Variants in DCN observed in about 807,000 individuals in gnomAD.
DCN encodes bone proteoglycan II.
DCN carries 17 observed loss-of-function variants against 36.5 expected under a neutral mutation model. That is an observed-to-expected ratio of 0.47 (90% CI 0.32 to 0.70). The LOEUF is 0.70. Among genes scored for constraint, DCN ranks in the 30% least tolerant of loss-of-function variants. The pLI, the probability that DCN is intolerant of heterozygous loss-of-function variation, is 0.04. For missense variants in DCN, 389 were observed against 430.1 expected (o/e 0.90, Z 0.84); for synonymous variants, 163 against 161.4 (o/e 1.01, Z -0.07).
At chr12:91,178,620 A>G in intron 1 of DCN, 35 bp from the exon 2 acceptor site, 2 of 1,309,276 alleles carry the variant, frequency 1.5e-6, no homozygotes. Context: ...GAAGAGTAGC[A>G]CTGCCTAATC....
At chr12:91,150,894 C>T (rs535695735) in intron 7 of DCN, 6 of 152,214 alleles carry the variant, frequency 3.9e-5, no homozygotes, top group Non-Finnish European at 8.8e-5. Flanking sequence ...ACATATACAC[C>T]GTGGAATACT....
intron 2 of DCN, chr12:91,176,060 T>C (rs1253288355): frequency 6.6e-6 from 1 of 151,958 alleles, no homozygotes; most frequent in Non-Finnish European, 1.5e-5. Context: ...TAAGGAAGAG[T>C]TAGATAATAG....
chr12:91,156,004 C>A (rs1881742380), intron 5 of DCN, among the ~76,000 whole-genome samples: 1 of 152,086 alleles, frequency 6.6e-6, no homozygotes, highest in South Asian at 2.1e-4. Flanking sequence ...AAGAACAAGG[C>A]ATCTAAGTTG....
chr12:91,167,867 G>A (rs776328322), intron 2 of DCN, among the ~76,000 whole-genome samples: 6 of 152,120 alleles, frequency 3.9e-5, no homozygotes, highest in African/African-American at 7.2e-5. Context: ...TGAGACAAGA[G>A]TCTTGCTCTG....
At chr12:91,153,543 T>C (rs1881572629) in intron 5 of DCN, among the ~76,000 whole-genome samples, 1 of 152,114 alleles carries the variant, frequency 6.6e-6, no homozygotes, top group South Asian at 2.1e-4. Context: ...AGATAGTAAT[T>C]ATAAAGTGGG....
In DCN at chr12:91,142,244, G is replaced by T. The variant is rs1209086276; in HGVS notation, c.*3814C>A. The T allele has an allele frequency of 6.6e-6, 1 of 152,204 alleles. No homozygotes were observed. The highest frequency in any genetic ancestry group is 2.4e-5 in the African/African-American group (1 of 41,452). 9.4% of individuals were successfully genotyped at this position (152,204 alleles called of 1,614,324 possible). On this transcript the variant is annotated 3_prime_UTR_variant, in exon 8 of 8. Transcript: ENST00000052754. Reference sequence around the variant, plus strand: ...GCAACCTCGAATGTCTGTGCTGCAGGAGAGTCTGAAGGACAGTGAAGTCTT... The same window carrying T: ...GCAACCTCGAATGTCTGTGCTGCAGTAGAGTCTGAAGGACAGTGAAGTCTT...
chr12:91,164,211 TG>T (rs1227648869), intron 3 of DCN, among the ~76,000 whole-genome samples: 1 of 151,224 alleles, frequency 6.6e-6, no homozygotes, highest in Non-Finnish European at 1.5e-5. Flanking sequence ...CTCTGGGGAC[TG>T]TGGTGGGGTC....
At chr12:91,174,222 T>C (rs2121304972) in intron 2 of DCN, among the ~76,000 whole-genome samples, 1 of 152,154 alleles carries the variant, frequency 6.6e-6, no homozygotes, top group East Asian at 1.9e-4. Flanking sequence ...ACAATTTTTT[T>C]TGTTCTTGTC....
chr12:91,159,326 T>C (rs186674826), intron 3 of DCN, among the ~76,000 whole-genome samples: 10 of 152,306 alleles, frequency 6.6e-5, no homozygotes, highest in African/African-American at 2.2e-4. Context: ...CAATATTTGA[T>C]ATTATGTTTC....
At chr12:91,163,111 A>G (rs1352216439) in intron 3 of DCN, among the ~76,000 whole-genome samples, 3 of 152,210 alleles carry the variant, frequency 2.0e-5, no homozygotes, top group Admixed American at 2.0e-4. Flanking sequence ...GTGCACTCAT[A>G]TTTTGATGGA....
chr12:91,146,350 A>AATTT, intron 7 of DCN, 98 bp from the exon 8 acceptor site: 8 of 508,082 alleles, frequency 1.6e-5, no homozygotes, highest in Non-Finnish European at 2.5e-5. Flanking sequence ...TTAATCCTTC[A>AATTT]CTTTTTTTTT....
Position 91,146,114 on chromosome 12 carries a change from A to G in DCN, c.1024T>C (p.Ser342Pro). ...CGCACGTAGACACATCTGAAGGTGGATGGCTGTATCTCCCAGTACTGGACC... is the reference window on the plus strand; with the variant it reads ...CGCACGTAGACACATCTGAAGGTGGGTGGCTGTATCTCCCAGTACTGGACC... ...NPVQYWEIQPSTFRCVYVRSA... is the reference protein window; with the variant it reads ...NPVQYWEIQPPTFRCVYVRSA... The change falls in exon 8 of 8, where the codon TCC becomes CCC. Residue 342 changes from serine to proline, a missense_variant. Transcript: ENST00000052754. 1.2e-6 allele frequency: 2 copies of G among 1,613,970 alleles called. No individual in the cohort carries two copies. The highest frequency in any genetic ancestry group is 2.2e-5 in the East Asian group (1 of 44,872).
In DCN at chr12:91,141,971, G is replaced by A. The variant is rs1343632564; in HGVS notation, c.*4087C>T. 6.6e-6 allele frequency: 1 copy of A among 152,168 alleles called. No individual in the cohort carries two copies. The highest frequency in any genetic ancestry group is 1.5e-5 in the Non-Finnish European group (1 of 68,028). 9.4% of individuals were successfully genotyped at this position (152,168 alleles called of 1,614,324 possible). ...TGAAGGTTGTTTTAGTTTCCTGAAT[G>A]CGTATGCTTGTATATGGTTTTAATA... On this transcript the variant is annotated 3_prime_UTR_variant, in exon 8 of 8. Coordinates refer to ENST00000052754, the MANE Select transcript of DCN (RefSeq NM_001920.5).
chr12:91,179,765 C>G (rs923998369), intron 1 of DCN: 23 of 152,220 alleles, frequency 1.5e-4, no homozygotes, highest in African/African-American at 5.5e-4. Flanking sequence ...AAAACCTCAA[C>G]TTGGTATAAG....
intron 4 of DCN, 46 bp downstream of exon 4, chr12:91,158,250 G>A: frequency 8.2e-7 from 1 of 1,214,442 alleles, no homozygotes; most frequent in Non-Finnish European, 1.2e-6. Flanking sequence ...AATCTCTTAA[G>A]ATAAAAACTT....
chr12:91,166,129 A>G (rs1198554814), intron 2 of DCN, among the ~76,000 whole-genome samples: 2 of 152,152 alleles, frequency 1.3e-5, no homozygotes, highest in Non-Finnish European at 2.9e-5. Flanking sequence ...TTTTTTATTT[A>G]TAATATCACT....
intron 1 of DCN, among the ~76,000 whole-genome samples, chr12:91,179,004 T>A (rs1171093783): frequency 6.6e-6 from 1 of 152,164 alleles, no homozygotes; most frequent in Non-Finnish European, 1.5e-5. Context: ...GCCAGTCACA[T>A]CTCTCCATCC....
chr12:91,160,468 C>CT (rs1173112280), intron 3 of DCN, among the ~76,000 whole-genome samples: 3 of 151,878 alleles, frequency 2.0e-5, no homozygotes, highest in Non-Finnish European at 4.4e-5. Context: ...GTTCTAAAGG[C>CT]TTTTTTGGTG....
intron 2 of DCN, chr12:91,177,728 C>T (rs1447035372): frequency 1.4e-6 from 1 of 694,442 alleles, no homozygotes; most frequent in Non-Finnish European, 2.6e-6. Context: ...ATAAATATTT[C>T]CTTTGAAACT....
Sources: gnomAD v4.1 joint callset for allele counts (sites outside exome capture counted in the v4.1 genomes callset) on GRCh38, gnomAD v4.1.1 for gene constraint, MANE v1.5 for transcripts, NCBI Gene and HGNC (gene_info 2026-07-23, HGNC 2026-07-21) for gene names.